Variants in TMCO4 observed in about 807,000 individuals in gnomAD.
TMCO4 encodes the protein transmembrane and coiled-coil domains 4.
A neutral mutation model predicts 64.7 loss-of-function variants in TMCO4; 58 were observed. The ratio of observed to expected loss-of-function variants is 0.90; its 90% CI spans 0.73 to 1.12. TMCO4 has a LOEUF of 1.12. Ranked by LOEUF, TMCO4 falls within the 50% of genes most tolerant of loss-of-function variation. The probability of loss-of-function intolerance (pLI) is 0.00; values close to 1 mark genes in which losing one functional copy is unlikely to be tolerated. For synonymous variants in TMCO4, 325 were observed against 346.1 expected (o/e 0.94, Z 0.68); for missense variants, 780 against 825.9 (o/e 0.94, Z 0.68).
intron 3 of TMCO4, among the ~76,000 whole-genome samples, chr1:19,785,713 G>T (rs961070757): frequency 6.6e-5 from 10 of 152,224 alleles, no homozygotes; most frequent in Non-Finnish European, 1.5e-4. Flanking sequence ...CACACACTCA[G>T]GAGGTCTGGT....
intron 7 of TMCO4, chr1:19,750,121 T>A (rs983536528): frequency 1.3e-5 from 2 of 152,226 alleles, no homozygotes; most frequent in Non-Finnish European, 2.9e-5. Flanking sequence ...ACTCTTTTCA[T>A]TATTATTGTA....
At chr1:19,738,711 C>G (rs2095466671) in intron 12 of TMCO4, among the ~76,000 whole-genome samples, 1 of 152,202 alleles carries the variant, frequency 6.6e-6, no homozygotes, top group Non-Finnish European at 1.5e-5. Flanking sequence ...AAGGGGGTGG[C>G]CAGTTGCTCA....
At chr1:19,780,214 T>A (rs1389997576) in intron 4 of TMCO4, among the ~76,000 whole-genome samples, 1 of 152,146 alleles carries the variant, frequency 6.6e-6, no homozygotes, top group African/African-American at 2.4e-5. Flanking sequence ...CAACTCAACC[T>A]CTCTGCACTT....
intron 4 of TMCO4, among the ~76,000 whole-genome samples, chr1:19,777,166 C>T (rs553046952): frequency 3.9e-5 from 6 of 151,928 alleles, no homozygotes; most frequent in Non-Finnish European, 8.8e-5. Context: ...CTTGGCTTCT[C>T]GGGGTATTTT....
At chr1:19,729,197 T>C (rs757705300) in intron 13 of TMCO4, among the ~76,000 whole-genome samples, 24 of 152,020 alleles carry the variant, frequency 1.6e-4, no homozygotes, top group Non-Finnish European at 3.4e-4. Context: ...TCGCCTAGGC[T>C]AGAGTACAGT....
chr1:19,695,497 G>A (rs576443050), intron 14 of TMCO4, among the ~76,000 whole-genome samples: 4 of 152,348 alleles, frequency 2.6e-5, no homozygotes, highest in South Asian at 2.1e-4. Flanking sequence ...TGTCTTTTAT[G>A]TGGACTAAAT....
intron 4 of TMCO4, among the ~76,000 whole-genome samples, chr1:19,774,161 T>G (rs1030369866): frequency 3.9e-5 from 6 of 152,176 alleles, no homozygotes; most frequent in East Asian, 1.9e-4. Flanking sequence ...GGTATGTATT[T>G]GGGGAGGGGA....
At chr1:19,702,988 G>C (rs993332107) in intron 13 of TMCO4, among the ~76,000 whole-genome samples, 3 of 152,136 alleles carry the variant, frequency 2.0e-5, no homozygotes, top group African/African-American at 7.2e-5. Flanking sequence ...TTTTCTCCTT[G>C]TCACAGATTA....
Position 19,688,297 on chromosome 1 carries a change from C to T in TMCO4, c.1501-4853G>A, listed in dbSNP as rs558670441. Among the ~76,000 whole-genome samples, 7 of 152,236 alleles carry T rather than the reference C, an allele frequency of 4.6e-5. No individual in the cohort carries two copies. In the South Asian group the frequency reaches 1.5e-3, roughly 32 times the overall value. ...CTCACCTCTGTGCCCCACAGCCAGC[C>T]CCGCACATCGTGGGGTTTCCGTGGG... On this transcript the variant is annotated intron_variant, in intron 15 of 15. Transcript: ENST00000294543.
chr1:19,772,491 A>T (rs2101030766), intron 4 of TMCO4, among the ~76,000 whole-genome samples: 1 of 152,292 alleles, frequency 6.6e-6, no homozygotes, highest in Non-Finnish European at 1.5e-5. Flanking sequence ...GCTGAGACAC[A>T]GAGGTGGGGA....
intron 13 of TMCO4, among the ~76,000 whole-genome samples, chr1:19,714,946 A>G (rs941819924): frequency 1.3e-5 from 2 of 151,640 alleles, no homozygotes; most frequent in African/African-American, 4.8e-5. Flanking sequence ...TAAATAAATA[A>G]AAAATAAAAA....
chr1:19,753,614 C>T (rs1307842263), intron 7 of TMCO4, among the ~76,000 whole-genome samples: 3 of 152,152 alleles, frequency 2.0e-5, no homozygotes, highest in African/African-American at 4.8e-5. Context: ...GAGAAATTTA[C>T]GTATCATTCA....
rs527928938 is a variant in TMCO4, at chr1:19,793,766, A to G, written c.-101+4371T>C. ...GGGTGACAGTGCCATTGGGGTGGATACCCAGGCCCTGTGATGTGTGCCTAC... is the reference window on the plus strand; with the variant it reads ...GGGTGACAGTGCCATTGGGGTGGATGCCCAGGCCCTGTGATGTGTGCCTAC... On this transcript the variant is annotated intron_variant, in intron 2 of 15. Transcript: ENST00000294543. 2.6e-5 allele frequency among the ~76,000 whole-genome samples: 4 copies of G among 152,212 alleles called. No individual in the cohort carries two copies. In the East Asian group the frequency reaches 7.7e-4, roughly 29 times the overall value.
In TMCO4 at chr1:19,734,232, T is replaced by C. The variant is rs1023471183; in HGVS notation, c.1264+3140A>G. 6.6e-6 allele frequency among the ~76,000 whole-genome samples: 1 copy of C among 151,880 alleles called. No homozygotes were observed. The highest frequency in any genetic ancestry group is 1.5e-5 in the Non-Finnish European group (1 of 67,912). On this transcript the variant is annotated intron_variant, in intron 13 of 15. Transcript: ENST00000294543. This position sits in a 1 kb window ranked among gnomAD's most constrained non-coding sequence, Gnocchi z 4.4. ...TGAGGTGGAGAGAGGCGGGGGAAGG[T>C]GCTGAAGGCAGATCATGAGTGGGGC...
intron 13 of TMCO4, among the ~76,000 whole-genome samples, chr1:19,736,065 G>A (rs1267360368): frequency 6.6e-6 from 1 of 152,158 alleles, no homozygotes; most frequent in Non-Finnish European, 1.5e-5. Flanking sequence ...CCAGGCAGGA[G>A]AGGCAAATGG....
At chr1:19,693,741 C>T (rs1039984105) in intron 15 of TMCO4, among the ~76,000 whole-genome samples, 1 of 152,202 alleles carries the variant, frequency 6.6e-6, no homozygotes, top group Admixed American at 6.5e-5. Flanking sequence ...TCCCGCTCTG[C>T]ATCCCATCTT....
At chr1:19,700,649 C>G (rs1195066694) in intron 14 of TMCO4, 119 bp downstream of exon 14, 1 of 995,198 alleles carries the variant, frequency 1.0e-6, no homozygotes, top group African/African-American at 1.6e-5. Flanking sequence ...CCGGCCGGTT[C>G]CTGGGATCTT....
chr1:19,795,659 C>T (rs2101160658), intron 2 of TMCO4, among the ~76,000 whole-genome samples: 1 of 152,230 alleles, frequency 6.6e-6, no homozygotes, highest in Admixed American at 6.5e-5. Context: ...GACAGAGAGG[C>T]CCTGAGAATT....
chr1:19,720,005 A>ATTT lies in TMCO4; in HGVS notation c.1264+17364_1264+17366dup, dbSNP rs56755114. ...AGATTCCTTCTCAAAAAGGAAAATAATTTTTTTTTTTTTTTTTTTTGTAGA... is the reference window on the plus strand; with the variant it reads ...AGATTCCTTCTCAAAAAGGAAAATAATTTTTTTTTTTTTTTTTTTTTTTGTAGA... On this transcript the variant is annotated intron_variant, in intron 13 of 15. Coordinates refer to ENST00000294543, the MANE Select transcript of TMCO4 (RefSeq NM_181719.7). Among the ~76,000 whole-genome samples, 1,079 of 116,944 alleles carry ATTT rather than the reference A, an allele frequency of 9.2e-3. 51 individuals carry two copies. Among genetic ancestry groups the ATTT allele is most frequent in the South Asian group, 0.031 (103 of 3,300 alleles). The allele number at this position is 116,944 out of a possible 152,430, so 76.7% of individuals were successfully genotyped here.
Sources: allele counts gnomAD v4.1 joint callset (sites outside exome capture counted in the v4.1 genomes callset), GRCh38; gene constraint gnomAD v4.1.1; non-coding constraint Gnocchi (gnomAD v3.1); transcripts MANE v1.5; gene names NCBI Gene and HGNC (gene_info 2026-07-23, HGNC 2026-07-21).